GFRA2: variants seen among roughly 807,000 people sequenced by gnomAD.
The protein encoded by GFRA2 is GDNF family receptor alpha-2.
A neutral mutation model predicts 48.3 loss-of-function variants in GFRA2; 17 were observed. The ratio of observed to expected loss-of-function variants is 0.35; its 90% confidence interval spans 0.24 to 0.53. The LOEUF is 0.53. Ranked by LOEUF, GFRA2 falls within the 20% of genes least tolerant of loss-of-function variation. The probability of loss-of-function intolerance (pLI) is 0.93; values close to 1 mark genes in which losing one functional copy is unlikely to be tolerated. For synonymous variants in GFRA2, 305 were observed against 257.2 expected, an observed-to-expected ratio of 1.19 and a Z score of -1.78; for missense variants, 660 against 637.3, an observed-to-expected ratio of 1.04 and a Z score of -0.38.
At chr8:21,718,215 A>C (rs1803426590) in intron 4 of GFRA2, among the ~76,000 whole-genome samples, 1 of 152,192 alleles carries the variant, frequency 6.6e-6, no homozygotes, top group Non-Finnish European at 1.5e-5. Flanking sequence ...ATAGTGAGTA[A>C]GTCTCACAAG....
intron 3 of GFRA2, among the ~76,000 whole-genome samples, chr8:21,764,625 T>C (rs1806068284): frequency 6.6e-6 from 1 of 152,252 alleles, no homozygotes; most frequent in South Asian, 2.1e-4. Flanking sequence ...CGCCAAAGGC[T>C]GCCCTGCCAT....
chr8:21,706,037 G>A lies in GFRA2; in HGVS notation c.799C>T (p.Arg267Trp). 2 of 1,560,798 alleles carry A rather than the reference G, an allele frequency of 1.3e-6. No individual in the cohort carries two copies. Among genetic ancestry groups the A allele is most frequent in the Non-Finnish European group, 1.7e-6 (2 of 1,151,022 alleles). The part of the protein sequence containing the change: ...VCRTDHLCRS[R>W]LADFHANCRA... Reference sequence around the variant, plus strand: ...CAATTGGCATGGAAGTCGGCCAGCCGGGACCTGGTGGTGGGTAGAAGACGC... The same window carrying A: ...CAATTGGCATGGAAGTCGGCCAGCCAGGACCTGGTGGTGGGTAGAAGACGC... The change falls in exon 5 of 9, where the codon CGG (arginine) becomes TGG (tryptophan). Residue 267 changes from arginine to tryptophan, a missense_variant. By Grantham distance (101) the Arg-to-Trp change is moderately radical. Coordinates refer to ENST00000524240, the MANE Select transcript of GFRA2 (RefSeq NM_001495.5).
At chr8:21,761,959 T>A (rs13268465) in intron 3 of GFRA2, among the ~76,000 whole-genome samples, 34,480 of 151,254 alleles carry the variant, frequency 0.23, 4,210 homozygotes, top group East Asian at 0.31. Context: ...CTAAAAAAAT[T>A]AAAAAAATTA....
At chr8:21,795,901 A>G (rs1807666106) in intron 2 of GFRA2, among the ~76,000 whole-genome samples, 1 of 152,204 alleles carries the variant, frequency 6.6e-6, no homozygotes, top group Non-Finnish European at 1.5e-5. Context: ...AGGGCAAGGA[A>G]AAAGCACTCA....
chr8:21,724,705 T>C (rs981777529), intron 4 of GFRA2, among the ~76,000 whole-genome samples: 13 of 152,106 alleles, frequency 8.5e-5, no homozygotes, highest in African/African-American at 2.7e-4. Flanking sequence ...GCCGTGTACA[T>C]AGAAACAACA....
In GFRA2 at chr8:21,694,412, C is replaced by G. The variant is rs1802052588; in HGVS notation, c.1272+52G>C. ...TCTGAGGCTCGCCGGGGAAATGCCGCCCCCCACCGGCCCAGCCTTCTGCAC... is the reference window on the plus strand; with the variant it reads ...TCTGAGGCTCGCCGGGGAAATGCCGGCCCCCACCGGCCCAGCCTTCTGCAC... On this transcript the variant is annotated intron_variant, in intron 8 of 8. Coordinates refer to ENST00000524240, the MANE Select transcript of GFRA2 (RefSeq NM_001495.5). 7 of 1,534,484 alleles carry G rather than the reference C, an allele frequency of 4.6e-6. No individual in the cohort carries two copies. The African/African-American group carries it at 8.2e-5, about 18-fold the overall frequency.
At chr8:21,798,063 T>C (rs1200857153) in intron 2 of GFRA2, among the ~76,000 whole-genome samples, 1 of 152,052 alleles carries the variant, frequency 6.6e-6, no homozygotes, top group Non-Finnish European at 1.5e-5. Flanking sequence ...TTCCCAGGGG[T>C]ACAGGCACCT....
At chr8:21,719,463 C>T (rs1803491842) in intron 4 of GFRA2, among the ~76,000 whole-genome samples, 1 of 151,690 alleles carries the variant, frequency 6.6e-6, no homozygotes, top group African/African-American at 2.4e-5. Flanking sequence ...AAGAATTAAA[C>T]GTATGCATCA....
chr8:21,798,394 G>C (rs1474082421), intron 2 of GFRA2, among the ~76,000 whole-genome samples: 1 of 151,834 alleles, frequency 6.6e-6, no homozygotes, highest in African/African-American at 2.4e-5. Context: ...GAGGGAGGGA[G>C]GGATGTGTGT....
At chr8:21,803,007 T>C (rs1807798930) in intron 2 of GFRA2, among the ~76,000 whole-genome samples, 2 of 152,208 alleles carry the variant, frequency 1.3e-5, no homozygotes. Context: ...AAATAGGTTG[T>C]ATTAGCTAAG....
intron 4 of GFRA2, among the ~76,000 whole-genome samples, chr8:21,720,269 G>A (rs974706616): frequency 6.6e-6 from 1 of 152,200 alleles, no homozygotes; most frequent in African/African-American, 2.4e-5. Flanking sequence ...CGGTGGCTGA[G>A]AGCAAGACTC....
intron 4 of GFRA2, among the ~76,000 whole-genome samples, chr8:21,718,202 G>A (rs1023735303): frequency 7.2e-5 from 11 of 152,170 alleles, no homozygotes; most frequent in Admixed American, 2.0e-4. Context: ...TGCTGTTGTC[G>A]TGATAGTGAG....
upstream of GFRA2, among the ~76,000 whole-genome samples, chr8:21,791,648 A>G (rs1162405925): frequency 1.3e-5 from 2 of 152,228 alleles, no homozygotes; most frequent in Non-Finnish European, 2.9e-5. Context: ...TCATCTATAA[A>G]ATGGGGATTA....
intron 4 of GFRA2, among the ~76,000 whole-genome samples, chr8:21,748,383 G>A (rs749921404): frequency 2.6e-5 from 4 of 152,002 alleles, no homozygotes; most frequent in Non-Finnish European, 5.9e-5. Flanking sequence ...TGCTCACCAA[G>A]TGCCAGGCTC....
intron 3 of GFRA2, among the ~76,000 whole-genome samples, chr8:21,752,345 T>A (rs1330656272): frequency 6.6e-6 from 1 of 152,054 alleles, no homozygotes; most frequent in South Asian, 2.1e-4. Flanking sequence ...GCCCCACCTG[T>A]CTGATGGATG....
intron 4 of GFRA2, among the ~76,000 whole-genome samples, chr8:21,733,266 A>G (rs995093742): frequency 6.6e-5 from 10 of 151,468 alleles, no homozygotes; most frequent in Non-Finnish European, 1.2e-4. Flanking sequence ...GCAGGCACCG[A>G]CCTCCCCTGC....
intron 4 of GFRA2, among the ~76,000 whole-genome samples, chr8:21,747,245 T>C (rs891662648): frequency 6.6e-6 from 1 of 152,174 alleles, no homozygotes; most frequent in Non-Finnish European, 1.5e-5. Flanking sequence ...TCTCAAATCA[T>C]GCTCCCATCT....
chr8:21,732,128 G>A (rs892226973), intron 4 of GFRA2, among the ~76,000 whole-genome samples: 1 of 152,244 alleles, frequency 6.6e-6, no homozygotes, highest in Admixed American at 6.5e-5. Context: ...CATAGAACAT[G>A]GTAGACAAGG....
At chr8:21,768,901 A>T (rs2117682069) in intron 3 of GFRA2, among the ~76,000 whole-genome samples, 1 of 152,296 alleles carries the variant, frequency 6.6e-6, no homozygotes, top group East Asian at 1.9e-4. Context: ...CAGGCTCAAA[A>T]GACTTGAGGT....
Sources: allele counts gnomAD v4.1 joint callset (sites outside exome capture counted in the v4.1 genomes callset), GRCh38; gene constraint gnomAD v4.1.1; transcripts MANE v1.5; gene names NCBI Gene and HGNC (gene_info 2026-07-23, HGNC 2026-07-21).